MECOM: variants seen among roughly 807,000 people sequenced by gnomAD.
MECOM encodes the protein MDS1 and EVI1 complex locus.
MECOM carries 13 observed loss-of-function variants against 116.3 expected under a neutral mutation model. The ratio of observed to expected loss-of-function variants is 0.11; its 90% CI spans 0.07 to 0.18. MECOM has a LOEUF of 0.18. Ranked by LOEUF, MECOM falls within the 10% of genes least tolerant of loss-of-function variation. The pLI, the probability that MECOM is intolerant of heterozygous loss-of-function variation, is 1.00. For synonymous variants in MECOM, 528 were observed against 535.2 expected, an observed-to-expected ratio of 0.99 and a Z score of 0.19; for missense variants, 1,299 against 1,509.0, an observed-to-expected ratio of 0.86 and a Z score of 2.31.
chr3:169,172,266 G>T (rs1036447403), intron 2 of MECOM, among the ~76,000 whole-genome samples: 9 of 151,692 alleles, frequency 5.9e-5, no homozygotes, highest in Non-Finnish European at 1.2e-4. Context: ...ACTTTTTCTT[G>T]TTTTTTTACA....
chr3:169,183,001 T>C (rs1373884795), intron 2 of MECOM, among the ~76,000 whole-genome samples: 1 of 152,176 alleles, frequency 6.6e-6, no homozygotes, highest in Non-Finnish European at 1.5e-5. Context: ...ACTTCTTAGG[T>C]ACGAGGCTTT....
rs61115570 is a variant in MECOM, at chr3:169,212,636, GTATATATATATATATATATATATATA to G, written c.376-68830_376-68805del. On this transcript the variant is annotated intron_variant, in intron 2 of 16. Coordinates refer to ENST00000651503, the MANE Select transcript of MECOM (RefSeq NM_004991.4). Reference sequence around the variant, plus strand: ...TAGTCTTGGTCTTCTAGTCAGCAATGTATATATATATATATATATATATATATATATATATATATATATATATATGC... The same window carrying G: ...TAGTCTTGGTCTTCTAGTCAGCAATGTATATATATATATATATATATATGC... 1.2e-3 allele frequency among the ~76,000 whole-genome samples: 31 copies of G among 26,076 alleles called. 1 individual carries two copies. The highest frequency in any genetic ancestry group is 1.5e-3 in the African/African-American group (9 of 5,902). 17.1% of individuals were successfully genotyped at this position (26,076 alleles called of 152,430 possible).
chr3:169,231,301 A>G (rs1753364653), intron 2 of MECOM, among the ~76,000 whole-genome samples: 1 of 152,136 alleles, frequency 6.6e-6, no homozygotes, highest in Non-Finnish European at 1.5e-5. Flanking sequence ...TTCAACACCT[A>G]CTTGCACCAG....
intron 2 of MECOM, among the ~76,000 whole-genome samples, chr3:169,206,822 T>C (rs1447498905): frequency 6.6e-6 from 1 of 151,254 alleles, no homozygotes; most frequent in African/African-American, 2.4e-5. Context: ...TCTAAGTGTG[T>C]AGCCCAGGCA....
At chr3:169,352,397 C>T (rs1726474408) in intron 2 of MECOM, among the ~76,000 whole-genome samples, 1 of 151,872 alleles carries the variant, frequency 6.6e-6, no homozygotes, top group East Asian at 1.9e-4. Context: ...ATTAAAGGAG[C>T]TATCTCAGTA....
At chr3:169,086,380 C>A in intron 16 of MECOM, 1 of 581,870 alleles carries the variant, frequency 1.7e-6, no homozygotes, top group Non-Finnish European at 3.0e-6. Flanking sequence ...TATGTACCTA[C>A]TTTTAGAGAA....
At chr3:169,186,384 G>GGAAA (rs1462984032) in intron 2 of MECOM, among the ~76,000 whole-genome samples, 1 of 75,292 alleles carries the variant, frequency 1.3e-5, no homozygotes. Flanking sequence ...AAGGAAGGGA[G>GGAAA]GGAGGGAGGG....
chr3:169,292,412 T>A lies in MECOM; in HGVS notation c.375+88775A>T, dbSNP rs113878542. ...AGATGATGAAGCAAGATCTATTCAC[T>A]GTGCAAGGATGAAAGGCCCCTACAG... On this transcript the variant is annotated intron_variant, in intron 2 of 16. Transcript: ENST00000651503. Among the ~76,000 whole-genome samples the A allele has an allele frequency of 9.2e-3, 1,401 of 152,246 alleles. 22 individuals are homozygous for A. Among genetic ancestry groups the A allele is most frequent in the African/African-American group, 0.032 (1,340 of 41,544 alleles).
At chr3:169,269,780 A>G (rs1026961239) in intron 2 of MECOM, among the ~76,000 whole-genome samples, 7 of 152,148 alleles carry the variant, frequency 4.6e-5, no homozygotes, top group Non-Finnish European at 1.5e-5. Context: ...TTTCTCTAAC[A>G]CCAAAAGCTA....
chr3:169,274,851 C>A (rs1224434108), intron 2 of MECOM, among the ~76,000 whole-genome samples: 1 of 152,204 alleles, frequency 6.6e-6, no homozygotes, highest in African/African-American at 2.4e-5. Context: ...TATTGGGCAT[C>A]TCTTATTCCA....
At chr3:169,150,075 A>C (rs536180487) in intron 2 of MECOM, among the ~76,000 whole-genome samples, 151 of 151,982 alleles carry the variant, frequency 9.9e-4, no homozygotes, top group African/African-American at 3.5e-3. Context: ...CTTCATGTAA[A>C]GGCAGAGTCA....
intron 3 of MECOM, chr3:169,133,288 T>C (rs986821049): frequency 1.5e-4 from 23 of 152,302 alleles, no homozygotes; most frequent in Admixed American, 1.5e-3. Flanking sequence ...TCAGCAGAAA[T>C]GCTCATACTT....
intron 2 of MECOM, among the ~76,000 whole-genome samples, chr3:169,211,497 A>G (rs1274738317): frequency 4.6e-5 from 7 of 152,088 alleles, no homozygotes. Context: ...ATGGTCTCTG[A>G]ATCTATCTTC....
chr3:169,313,037 C>A (rs1719095370), intron 2 of MECOM, among the ~76,000 whole-genome samples: 1 of 152,056 alleles, frequency 6.6e-6, no homozygotes, highest in African/African-American at 2.4e-5. Flanking sequence ...GACAAGTAAC[C>A]ACAAAAGCAA....
In MECOM at chr3:169,403,499, A is replaced by T. The variant is rs573700300; in HGVS notation, c.38-21975T>A. 2.9e-4 allele frequency among the ~76,000 whole-genome samples: 44 copies of T among 152,312 alleles called. 1 individual carries two copies. The highest frequency in any genetic ancestry group is 1.0e-3 in the African/African-American group (42 of 41,576). On this transcript the variant is annotated intron_variant, in intron 1 of 16. Transcript: ENST00000651503. Reference sequence around the variant, plus strand: ...TTTTTTTACAAGACGTATTTTCTCTATGCACACAAAGCAAATCCTGTCAAA... The same window carrying T: ...TTTTTTTACAAGACGTATTTTCTCTTTGCACACAAAGCAAATCCTGTCAAA...
intron 1 of MECOM, among the ~76,000 whole-genome samples, chr3:169,658,512 A>T (rs1181669558): frequency 6.6e-6 from 1 of 152,228 alleles, no homozygotes; most frequent in Non-Finnish European, 1.5e-5. Flanking sequence ...CCCAGCTCCG[A>T]GGGAAGCAGC....
At chr3:169,509,451 GC>G (rs1483756225) in intron 1 of MECOM, among the ~76,000 whole-genome samples, 1 of 152,032 alleles carries the variant, frequency 6.6e-6, no homozygotes, top group Admixed American at 6.6e-5. Context: ...CATCTCCAGG[GC>G]TTTTTAATGA....
chr3:169,197,236 A>G (rs753420672), intron 2 of MECOM, among the ~76,000 whole-genome samples: 5 of 151,842 alleles, frequency 3.3e-5, no homozygotes, highest in Non-Finnish European at 5.9e-5. Flanking sequence ...CTGGGTGACA[A>G]AATAATCTGT....
At chr3:169,160,559 A>G (rs937648074) in intron 2 of MECOM, among the ~76,000 whole-genome samples, 37 of 148,278 alleles carry the variant, frequency 2.5e-4, no homozygotes, top group Admixed American at 9.4e-4. Context: ...TTATATATTT[A>G]ACAATAATAT....
Sources: allele counts gnomAD v4.1 joint callset (sites outside exome capture counted in the v4.1 genomes callset), GRCh38; gene constraint gnomAD v4.1.1; transcripts MANE v1.5; gene names NCBI Gene and HGNC (gene_info 2026-07-23, HGNC 2026-07-21).